Variants in XKR6 observed in about 807,000 individuals in gnomAD.
The protein encoded by XKR6 is XK related 6.
Under a neutral mutation model 56.7 loss-of-function variants are expected in XKR6, and 22 were observed. The ratio of observed to expected loss-of-function variants is 0.39; its 90% CI spans 0.28 to 0.55. The LOEUF (loss-of-function observed/expected upper bound fraction) is 0.55, where lower values mean the gene tolerates loss of function less well. Among genes scored for constraint, XKR6 ranks in the 20% least tolerant of loss-of-function variants. XKR6 has a pLI of 0.66. For missense variants in XKR6, 852 were observed against 889.0 expected, an observed-to-expected ratio of 0.96 and a Z score of 0.53; for synonymous variants, 524 against 387.8, an observed-to-expected ratio of 1.35 and a Z score of -4.13.
At chr8:11,155,221 G>T (rs1801460983) in intron 1 of XKR6, among the ~76,000 whole-genome samples, 1 of 152,130 alleles carries the variant, frequency 6.6e-6, no homozygotes, top group Non-Finnish European at 1.5e-5. Flanking sequence ...TTACTGTCTT[G>T]CTTCAGGCTT....
intron 1 of XKR6, chr8:11,137,465 C>A: frequency 2.3e-6 from 1 of 428,568 alleles, no homozygotes; most frequent in Non-Finnish European, 4.7e-6. Flanking sequence ...CTTCAGCCGA[C>A]ACGGAAGTCT....
chr8:10,975,727 A>G (rs1451545672), intron 1 of XKR6, among the ~76,000 whole-genome samples: 1 of 152,220 alleles, frequency 6.6e-6, no homozygotes, highest in Non-Finnish European at 1.5e-5. Flanking sequence ...TTCAAATCCC[A>G]GCTCAGCCCA....
At chr8:11,048,799 G>A (rs772134555) in intron 1 of XKR6, among the ~76,000 whole-genome samples, 9 of 152,170 alleles carry the variant, frequency 5.9e-5, no homozygotes, top group Non-Finnish European at 8.8e-5. Flanking sequence ...CTGGCTCTGC[G>A]TGGTTCTGGG....
intron 1 of XKR6, among the ~76,000 whole-genome samples, chr8:11,088,667 TGAG>T (rs1259201235): frequency 1.3e-5 from 2 of 152,212 alleles, no homozygotes; most frequent in African/African-American, 4.8e-5. Context: ...ATTCAAGTGA[TGAG>T]GATTAAACTG....
Position 11,201,084 on chromosome 8 carries a change from C to G in XKR6, c.256G>C (p.Ala86Pro). ...GGCTGGTCCCCCCCGTCGGCGGCGG[C>G]GCTGCGGCGCGGCTTCCTGCCCAGG... ...SLLGRKPRRS[A>P]AADGGDQPLQ... Residue 86 changes from alanine to proline, a missense_variant, in exon 1 of 3, where the codon GCC becomes CCC. By Grantham distance (27) the Ala-to-Pro change is conservative. Around this residue, in one of 4 missense-constraint regions of XKR6, gnomAD observed 417 missense variants for 355.2 expected, o/e 1.17. Transcript: ENST00000416569. 1 of 1,365,566 alleles carries G rather than the reference C, an allele frequency of 7.3e-7. No individual in the cohort carries two copies. The highest frequency in any genetic ancestry group is 1.5e-5 in the African/African-American group (1 of 65,720). 84.6% of individuals were successfully genotyped at this position (1,365,566 alleles called of 1,614,324 possible).
At chr8:11,167,238 C>T (rs1322984803) in intron 1 of XKR6, among the ~76,000 whole-genome samples, 2 of 152,188 alleles carry the variant, frequency 1.3e-5, no homozygotes, top group African/African-American at 4.8e-5. Flanking sequence ...ACCAACTGAA[C>T]ACTGAATCAA....
chr8:11,077,542 G>A lies in XKR6; in HGVS notation c.764+123034C>T, dbSNP rs66475020. On this transcript the variant is annotated intron_variant, in intron 1 of 2. Transcript: ENST00000416569. ...GCTGGTGGCTCAGGGTCAGGCAAAG[G>A]CCTGATGCTTCACTGTGCACCAGAC... is the stretch of plus-strand genomic sequence containing the variant. 9.4e-3 allele frequency among the ~76,000 whole-genome samples: 1,433 copies of A among 152,218 alleles called. 7 individuals are homozygous for A. The highest frequency in any genetic ancestry group is 0.015 in the Non-Finnish European group (1,036 of 67,990).
At chr8:11,193,149 A>C (rs1803674269) in intron 1 of XKR6, among the ~76,000 whole-genome samples, 1 of 152,216 alleles carries the variant, frequency 6.6e-6, no homozygotes, top group Admixed American at 6.5e-5. Flanking sequence ...CTCTCTGTGA[A>C]ATGAATACTC....
At chr8:11,029,950 C>A (rs2129151542) in intron 1 of XKR6, among the ~76,000 whole-genome samples, 1 of 152,310 alleles carries the variant, frequency 6.6e-6, no homozygotes, top group East Asian at 1.9e-4. Flanking sequence ...TACCTCCAAT[C>A]TCCCTTCATC....
At chr8:11,048,114 G>T (rs1799454597) in intron 1 of XKR6, among the ~76,000 whole-genome samples, 1 of 152,062 alleles carries the variant, frequency 6.6e-6, no homozygotes, top group Non-Finnish European at 1.5e-5. Context: ...CACCCCCCAC[G>T]CTCAGTCACT....
At chr8:10,906,456 T>C (rs778546532) in intron 2 of XKR6, among the ~76,000 whole-genome samples, 2 of 152,228 alleles carry the variant, frequency 1.3e-5, no homozygotes, top group Non-Finnish European at 2.9e-5. Flanking sequence ...ATTAAATACC[T>C]TAGTGCTAAT....
At chr8:11,160,568 C>G (rs188567021) in intron 1 of XKR6, among the ~76,000 whole-genome samples, 1 of 152,260 alleles carries the variant, frequency 6.6e-6, no homozygotes, top group South Asian at 2.1e-4. Context: ...CGAGGAAAGG[C>G]AGACTTTAAC....
At chr8:11,125,768 C>T (rs909175646) in intron 1 of XKR6, 2 of 152,254 alleles carry the variant, frequency 1.3e-5, no homozygotes, top group African/African-American at 4.8e-5. Flanking sequence ...CACTGTTCTA[C>T]ATCTGTGCAT....
chr8:11,017,482 G>A (rs1340175945), intron 1 of XKR6, among the ~76,000 whole-genome samples: 1 of 145,516 alleles, frequency 6.9e-6, no homozygotes, highest in Non-Finnish European at 1.5e-5. Flanking sequence ...CAGCTCCAGG[G>A]CTGCAAGGTT....
At chr8:11,148,195 G>A (rs1221468105) in intron 1 of XKR6, among the ~76,000 whole-genome samples, 1 of 152,100 alleles carries the variant, frequency 6.6e-6, no homozygotes, top group Non-Finnish European at 1.5e-5. Flanking sequence ...GGGCGACAGA[G>A]CAAGACCCTG....
At chr8:10,915,492 G>C (rs1800534533) in intron 2 of XKR6, among the ~76,000 whole-genome samples, 1 of 139,558 alleles carries the variant, frequency 7.2e-6, no homozygotes, top group South Asian at 2.3e-4. Context: ...CATTGAGTTT[G>C]CCTTTCTCCT....
At chr8:10,940,329 C>A (rs923177489) in intron 1 of XKR6, among the ~76,000 whole-genome samples, 4 of 152,184 alleles carry the variant, frequency 2.6e-5, no homozygotes, top group African/African-American at 4.8e-5. Flanking sequence ...TCGAGAATGC[C>A]ACATAGCTCA....
chr8:11,028,418 A>G (rs1586449812), intron 1 of XKR6, among the ~76,000 whole-genome samples: 1 of 152,222 alleles, frequency 6.6e-6, no homozygotes, highest in East Asian at 1.9e-4. Context: ...ACGCATCTGT[A>G]TGCAGATTTT....
chr8:11,151,364 T>C (rs1235577418), intron 1 of XKR6, among the ~76,000 whole-genome samples: 1 of 152,182 alleles, frequency 6.6e-6, no homozygotes, highest in Non-Finnish European at 1.5e-5. Context: ...AAAGAAAATA[T>C]TTACATTTAC....
Sources: allele counts gnomAD v4.1 joint callset (sites outside exome capture counted in the v4.1 genomes callset), GRCh38; gene constraint gnomAD v4.1.1; regional missense constraint gnomAD v4.1.1; transcripts MANE v1.5; gene names NCBI Gene and HGNC (gene_info 2026-07-23, HGNC 2026-07-21).